The following PLXDC2 variants were observed in gnomAD, a reference collection of about 807,000 sequenced individuals.
The protein encoded by PLXDC2 is plexin domain-containing protein 2.
PLXDC2 carries 40 observed loss-of-function variants against 68.9 expected under a neutral mutation model. The observed-to-expected ratio is 0.58, with a 90% CI of 0.45 to 0.76. The LOEUF is 0.76. PLXDC2 is among the 30% of genes least tolerant of loss of function. The probability of loss-of-function intolerance (pLI) is 0.00; values close to 1 mark genes in which losing one functional copy is unlikely to be tolerated. For missense variants in PLXDC2, 644 were observed against 661.9 expected (o/e 0.97, Z 0.30); for synonymous variants, 243 against 234.2 (o/e 1.04, Z -0.34).
chr10:20,033,213 AT>A (rs1485730121), intron 2 of PLXDC2, among the ~76,000 whole-genome samples: 2 of 151,880 alleles, frequency 1.3e-5, no homozygotes, highest in African/African-American at 4.8e-5. Flanking sequence ...AAATAAAAAA[AT>A]AAAATAAAAG....
intron 4 of PLXDC2, among the ~76,000 whole-genome samples, chr10:20,073,715 C>A (rs1836382544): frequency 6.6e-6 from 1 of 152,118 alleles, no homozygotes; most frequent in Admixed American, 6.5e-5. Flanking sequence ...AAACCTAGTT[C>A]TCTGTGAATT....
At chr10:20,272,479 C>A (rs1835952704) in intron 13 of PLXDC2, among the ~76,000 whole-genome samples, 1 of 152,028 alleles carries the variant, frequency 6.6e-6, no homozygotes, top group African/African-American at 2.4e-5. Flanking sequence ...GAGAGCTTGT[C>A]ACCCATGAGT....
intron 1 of PLXDC2, among the ~76,000 whole-genome samples, chr10:19,988,638 T>G (rs954186059): frequency 6.6e-6 from 1 of 152,074 alleles, no homozygotes; most frequent in African/African-American, 2.4e-5. Context: ...ATTCATATTC[T>G]CACTGTACAG....
intron 2 of PLXDC2, among the ~76,000 whole-genome samples, chr10:20,045,558 G>A (rs1335353726): frequency 6.6e-6 from 1 of 151,906 alleles, no homozygotes; most frequent in African/African-American, 2.4e-5. Flanking sequence ...TTAGTCATGA[G>A]GCAAAATCTA....
chr10:20,044,782 T>G (rs1225673665), intron 2 of PLXDC2, among the ~76,000 whole-genome samples: 4 of 152,160 alleles, frequency 2.6e-5, no homozygotes, highest in Non-Finnish European at 2.9e-5. Context: ...TTGCTCCTTC[T>G]TAGGTTATCT....
intron 1 of PLXDC2, among the ~76,000 whole-genome samples, chr10:19,859,635 G>A (rs1287069839): frequency 6.6e-6 from 1 of 152,164 alleles, no homozygotes; most frequent in Non-Finnish European, 1.5e-5. Context: ...AAAATGCACA[G>A]TATAGCATTT....
intron 2 of PLXDC2, among the ~76,000 whole-genome samples, chr10:20,031,795 A>T (rs887981039): frequency 7.0e-6 from 1 of 142,868 alleles, no homozygotes; most frequent in Non-Finnish European, 1.5e-5. Context: ...CAATACAGGA[A>T]GTTGTTTTTA....
At chr10:20,203,779 C>T (rs1032231712) in intron 9 of PLXDC2, among the ~76,000 whole-genome samples, 2 of 152,180 alleles carry the variant, frequency 1.3e-5, no homozygotes, top group Admixed American at 1.3e-4. Flanking sequence ...CAAGATGCCA[C>T]GTGTACGGAT....
intron 13 of PLXDC2, among the ~76,000 whole-genome samples, chr10:20,249,595 G>A (rs563535640): frequency 6.6e-6 from 1 of 152,080 alleles, no homozygotes; most frequent in East Asian, 1.9e-4. Context: ...CCTCCTTTTT[G>A]TAAGGCCCCC....
At chr10:20,005,271 GCTC>G (rs1835009282) in intron 2 of PLXDC2, among the ~76,000 whole-genome samples, 1 of 152,120 alleles carries the variant, frequency 6.6e-6, no homozygotes, top group South Asian at 2.1e-4. Context: ...TTTCAGTCTG[GCTC>G]ATAAAAGACT....
intron 12 of PLXDC2, among the ~76,000 whole-genome samples, chr10:20,239,944 A>G (rs184133438): frequency 1.1e-4 from 17 of 152,248 alleles, no homozygotes; most frequent in African/African-American, 4.1e-4. Flanking sequence ...TTTAACTTTT[A>G]TTTTAGGTTC....
At chr10:20,123,308 A>G (rs967719968) in intron 4 of PLXDC2, among the ~76,000 whole-genome samples, 1 of 152,110 alleles carries the variant, frequency 6.6e-6, no homozygotes, top group Non-Finnish European at 1.5e-5. Context: ...GAGGGGACAG[A>G]CAGGAGGGAA....
intron 13 of PLXDC2, among the ~76,000 whole-genome samples, chr10:20,256,223 C>T (rs1312304666): frequency 6.6e-6 from 1 of 151,948 alleles, no homozygotes; most frequent in Non-Finnish European, 1.5e-5. Context: ...ACCTCTGCCT[C>T]CTGTGTTCAA....
At chr10:20,096,959 A>C (rs937448060) in intron 4 of PLXDC2, among the ~76,000 whole-genome samples, 1 of 152,098 alleles carries the variant, frequency 6.6e-6, no homozygotes, top group African/African-American at 2.4e-5. Context: ...ACTCTGAATA[A>C]AAATTTCAGA....
intron 4 of PLXDC2, 152 bp downstream of exon 4, chr10:20,068,391 G>T: frequency 1.4e-6 from 1 of 695,168 alleles, no homozygotes; most frequent in South Asian, 2.4e-5. Context: ...CCAAAGAAAG[G>T]GTATGGTTAT....
rs572183103 is a variant in PLXDC2, at chr10:20,079,604, TAA to T, written c.541+11370_541+11371del. Among the ~76,000 whole-genome samples the T allele has an allele frequency of 7.9e-5, 12 of 152,176 alleles. 1 individual carries two copies. The South Asian group carries it at 2.3e-3, about 29-fold the overall frequency. On this transcript the variant is annotated intron_variant, in intron 4 of 13. Transcript: ENST00000377252. Reference sequence around the variant, plus strand: ...TACACCATGGAATACTATGCAGCCATAAAAAAGAGTGAGTTCATGTACTTTGC... The same window carrying T: ...TACACCATGGAATACTATGCAGCCATAAAAGAGTGAGTTCATGTACTTTGC...
At chr10:19,885,758 C>T (rs1157901446) in intron 1 of PLXDC2, among the ~76,000 whole-genome samples, 2 of 152,110 alleles carry the variant, frequency 1.3e-5, no homozygotes, top group East Asian at 1.9e-4. Context: ...TTACTGTAGC[C>T]TTGTAGTACA....
At chr10:19,937,177 C>T (rs1054319347) in intron 1 of PLXDC2, among the ~76,000 whole-genome samples, 4 of 152,140 alleles carry the variant, frequency 2.6e-5, no homozygotes, top group Admixed American at 6.5e-5. Flanking sequence ...TTATGTTTTT[C>T]AAAGTGTTAC....
chr10:19,831,843 T>G (rs1836698988), intron 1 of PLXDC2, among the ~76,000 whole-genome samples: 1 of 152,218 alleles, frequency 6.6e-6, no homozygotes, highest in Admixed American at 6.5e-5. Context: ...TACATTTAGG[T>G]TGATTCCACA....
Sources: gnomAD v4.1 joint callset for allele counts (sites outside exome capture counted in the v4.1 genomes callset) on GRCh38, gnomAD v4.1.1 for gene constraint, MANE v1.5 for transcripts, NCBI Gene and HGNC (gene_info 2026-07-23, HGNC 2026-07-21) for gene names.